Variants in SLC6A2 observed in about 807,000 individuals in gnomAD.
The protein encoded by SLC6A2 is solute carrier family 6 member 2, also known as sodium-dependent noradrenaline transporter.
SLC6A2 carries 26 observed loss-of-function variants against 71.7 expected under a neutral mutation model. The observed-to-expected ratio is 0.36, with a 90% CI of 0.27 to 0.50. SLC6A2 has a LOEUF of 0.50. Ranked by LOEUF, SLC6A2 falls within the 20% of genes least tolerant of loss-of-function variation. The probability of loss-of-function intolerance (pLI) is 0.96; values close to 1 mark genes in which losing one functional copy is unlikely to be tolerated. For synonymous variants in SLC6A2, 363 were observed against 337.9 expected (o/e 1.07, Z -0.82); for missense variants, 581 against 803.9 (o/e 0.72, Z 3.35).
At chr16:55,686,954 T>C (rs1027854823) in intron 5 of SLC6A2, among the ~76,000 whole-genome samples, 1 of 152,214 alleles carries the variant, frequency 6.6e-6, no homozygotes, top group Non-Finnish European at 1.5e-5. Flanking sequence ...TGAATTTAGT[T>C]CAAAATATCA....
rs1235943650 is a variant in SLC6A2 at position 55,672,080 on chromosome 16, C to T, written c.549C>T (p.Pro183=). 6.2e-7 allele frequency: 1 copy of T among 1,614,216 alleles called. No homozygotes were observed. The highest frequency in any genetic ancestry group is 1.1e-5 in the South Asian group (1 of 91,076). Residue 183 remains proline, a synonymous_variant, in exon 4 of 15, where the codon CCC becomes CCT. Transcript: ENST00000568943. ...WTDCGHTWNS[P]NCTDPKLLNG... is the part of the protein sequence containing the mutation. ...ACTGTGGCCACACCTGGAACAGCCCCAACTGTACCGACCCCAAGCTCCTCA... is the reference window on the plus strand; with the variant it reads ...ACTGTGGCCACACCTGGAACAGCCCTAACTGTACCGACCCCAAGCTCCTCA...
intron 2 of SLC6A2, among the ~76,000 whole-genome samples, chr16:55,658,248 A>G (rs1275807267): frequency 6.6e-6 from 1 of 152,134 alleles, no homozygotes; most frequent in Non-Finnish European, 1.5e-5. Context: ...ATGGTGGCTC[A>G]TGCCTATAAT....
At chr16:55,666,610 C>T (rs1964757247) in intron 2 of SLC6A2, among the ~76,000 whole-genome samples, 1 of 152,162 alleles carries the variant, frequency 6.6e-6, no homozygotes, top group Admixed American at 6.5e-5. Flanking sequence ...TTGGCTGGCC[C>T]ACATCAAATG....
At chr16:55,682,501 G>A (rs896188342) in intron 4 of SLC6A2, among the ~76,000 whole-genome samples, 7 of 152,182 alleles carry the variant, frequency 4.6e-5, no homozygotes, top group Non-Finnish European at 7.4e-5. Flanking sequence ...AAGGCTGGGA[G>A]CATTTATCTG....
intron 5 of SLC6A2, among the ~76,000 whole-genome samples, chr16:55,690,473 G>C (rs6499772): frequency 7.2e-5 from 11 of 152,152 alleles, no homozygotes; most frequent in African/African-American, 2.7e-4. Context: ...TTCCCCTTAG[G>C]GATATGGGAA....
chr16:55,700,787 T>A (rs36008), intron 13 of SLC6A2, among the ~76,000 whole-genome samples: 8,958 of 152,242 alleles, frequency 0.059, 448 homozygotes, highest in East Asian at 0.2. Flanking sequence ...TTCTGAACTA[T>A]TTCTTTCTAT....
At chr16:55,680,711 C>G (rs1274544707) in intron 4 of SLC6A2, among the ~76,000 whole-genome samples, 3 of 152,158 alleles carry the variant, frequency 2.0e-5, no homozygotes, top group East Asian at 1.9e-4. Context: ...CAAGTTGACA[C>G]TCAATATTAA....
At chr16:55,658,660 C>T (rs1281454517) in intron 2 of SLC6A2, among the ~76,000 whole-genome samples, 2 of 152,182 alleles carry the variant, frequency 1.3e-5, no homozygotes, top group South Asian at 2.1e-4. Context: ...CCATGGTCTC[C>T]CTGACACCTC....
intron 5 of SLC6A2, among the ~76,000 whole-genome samples, chr16:55,689,247 C>G (rs1965542569): frequency 6.6e-6 from 1 of 152,200 alleles, no homozygotes; most frequent in Non-Finnish European, 1.5e-5. Context: ...TCTTTCAACA[C>G]AAGATCTTAG....
Position 55,699,660 on chromosome 16 carries a change from T to C in SLC6A2, c.1590+6T>C. The C allele has an allele frequency of 6.2e-7, 1 of 1,601,402 alleles. No individual in the cohort carries two copies. Among genetic ancestry groups the C allele is most frequent in the Non-Finnish European group, 8.6e-7 (1 of 1,168,438 alleles). On this transcript the variant is annotated splice_donor_region_variant and intron_variant, in intron 12 of 14. Transcript: ENST00000568943. Reference sequence around the variant, plus strand: ...TCAGTCCTGCCTTCCTCCTGGTGTGTAGTGTCTGCAGGGAAGTCCTGCATG... The same window carrying C: ...TCAGTCCTGCCTTCCTCCTGGTGTGCAGTGTCTGCAGGGAAGTCCTGCATG...
At chr16:55,691,826 C>G in intron 5 of SLC6A2, 92 bp from the exon 6 acceptor site, 1 of 1,435,450 alleles carries the variant, frequency 7.0e-7, no homozygotes, top group Non-Finnish European at 9.7e-7. Context: ...AAGAGCATGA[C>G]TGGCTCCCTG....
At chr16:55,672,266 A>G in intron 4 of SLC6A2, 91 bp downstream of exon 4, 1 of 1,608,936 alleles carries the variant, frequency 6.2e-7, no homozygotes, top group Non-Finnish European at 8.5e-7. Context: ...GACCAAGGAG[A>G]CGCATGCCGT....
At chr16:55,659,089 A>T (rs1425297532) in intron 2 of SLC6A2, among the ~76,000 whole-genome samples, 1 of 152,112 alleles carries the variant, frequency 6.6e-6, no homozygotes, top group Non-Finnish European at 1.5e-5. Context: ...TCTGTCATTA[A>T]TCAGTAATAT....
intron 5 of SLC6A2, among the ~76,000 whole-genome samples, chr16:55,690,311 G>A (rs1398215091): frequency 1.3e-5 from 2 of 152,220 alleles, no homozygotes; most frequent in African/African-American, 4.8e-5. Context: ...TCATGATCTA[G>A]TGGGAAAGAC....
intron 4 of SLC6A2, among the ~76,000 whole-genome samples, chr16:55,678,375 A>T (rs536074097): frequency 3.4e-4 from 51 of 150,692 alleles, no homozygotes; most frequent in African/African-American, 1.1e-3. Flanking sequence ...CATCCCCTCA[A>T]CTCAGTTTGG....
intron 2 of SLC6A2, among the ~76,000 whole-genome samples, chr16:55,659,503 CT>C (rs1964553291): frequency 1.3e-5 from 2 of 152,166 alleles, no homozygotes; most frequent in African/African-American, 2.4e-5. Flanking sequence ...ACACAGCTCA[CT>C]CCAAGTTGTT....
At chr16:55,699,059 C>A (rs1304847796) in intron 11 of SLC6A2, among the ~76,000 whole-genome samples, 2 of 152,106 alleles carry the variant, frequency 1.3e-5, no homozygotes, top group Admixed American at 1.3e-4. Context: ...ATTTTACAAA[C>A]CCTTAAATGT....
At chr16:55,668,662 G>A (rs959499250) in intron 2 of SLC6A2, among the ~76,000 whole-genome samples, 12 of 152,096 alleles carry the variant, frequency 7.9e-5, no homozygotes, top group Admixed American at 2.0e-4. Context: ...AGCACATCCC[G>A]GACTGCCAGG....
chr16:55,694,152 T>A, intron 7 of SLC6A2, 39 bp downstream of exon 7: 1 of 1,381,206 alleles, frequency 7.2e-7, no homozygotes, highest in Non-Finnish European at 1.0e-6. Flanking sequence ...CTCTAAATCC[T>A]GGGGATTGAC....
Sources: allele counts gnomAD v4.1 joint callset (sites outside exome capture counted in the v4.1 genomes callset), GRCh38; gene constraint gnomAD v4.1.1; transcripts MANE v1.5; gene names NCBI Gene and HGNC (gene_info 2026-07-23, HGNC 2026-07-21).